SON: variants seen among roughly 807,000 people sequenced by gnomAD.
SON encodes protein SON.
A neutral mutation model predicts 173.3 loss-of-function variants in SON; 4 were observed. The ratio of observed to expected loss-of-function variants is 0.02; its 90% CI spans 0.01 to 0.05. SON has a LOEUF of 0.05. SON is among the 10% of genes least tolerant of loss of function. The pLI is 1.00. For synonymous variants in SON, 1,190 were observed against 1,105.9 expected (o/e 1.08, Z -1.51); for missense variants, 2,626 against 3,055.3 (o/e 0.86, Z 3.31).
intron 6 of SON, chr21:33,560,141 C>G (rs771249423): frequency 6.2e-7 from 1 of 1,608,230 alleles, no homozygotes; most frequent in Non-Finnish European, 8.5e-7. Context: ...GCAAATTTAT[C>G]GGGTGGAGGG....
At chr21:33,543,333 C>G (rs998433243) in intron 1 of SON, 164 bp downstream of exon 1, 4 of 642,440 alleles carry the variant, frequency 6.2e-6, no homozygotes, top group South Asian at 1.8e-5. Context: ...ACCGCCCCCC[C>G]AGCCGCTCCC....
intron 6 of SON, chr21:33,560,868 C>G (rs965373282): frequency 6.6e-6 from 1 of 152,326 alleles, no homozygotes; most frequent in African/African-American, 2.4e-5. Flanking sequence ...AGATCAGAGA[C>G]ACCTGTACTC....
intron 8 of SON, among the ~76,000 whole-genome samples, chr21:33,571,176 T>G (rs983042866): frequency 3.3e-5 from 5 of 152,154 alleles, no homozygotes; most frequent in African/African-American, 1.2e-4. Context: ...AGGAAAAGAT[T>G]CATTTGTATA....
intron 2 of SON, among the ~76,000 whole-genome samples, chr21:33,547,353 C>T (rs140515617): frequency 7.4e-4 from 113 of 152,302 alleles, no homozygotes; most frequent in African/African-American, 2.5e-3. Flanking sequence ...ATACCCATCC[C>T]ACTTAAACTG....
In SON at chr21:33,559,918, A is replaced by G; in HGVS notation, c.6657+143A>G. On this transcript the variant is annotated intron_variant, in intron 6 of 11. Coordinates refer to ENST00000356577, the MANE Select transcript of SON (RefSeq NM_138927.4). The surrounding 1 kb of genome is among the most constrained non-coding windows in gnomAD (Gnocchi z 4.1). ...AGGGCCGGGTTAGACGACAGATGAA[A>G]CAACCCGCAGCTTCTCATTTGACAG... 2 of 1,612,254 alleles carry G rather than the reference A, an allele frequency of 1.2e-6. No homozygotes were observed. Among genetic ancestry groups the G allele is most frequent in the Non-Finnish European group, 1.7e-6 (2 of 1,178,524 alleles).
intron 2 of SON, chr21:33,546,658 G>C: frequency 4.7e-6 from 1 of 210,898 alleles, no homozygotes. Flanking sequence ...GTGGGTGCCT[G>C]TAATCCCAGC....
intron 6 of SON, among the ~76,000 whole-genome samples, chr21:33,565,398 GT>G (rs1163187854): frequency 6.6e-6 from 1 of 152,122 alleles, no homozygotes; most frequent in African/African-American, 2.4e-5. Context: ...GAAAAGCAAA[GT>G]AAGTGTGAGA....
chr21:33,556,101 A>G (rs1296592014), intron 3 of SON, among the ~76,000 whole-genome samples: 1 of 152,222 alleles, frequency 6.6e-6, no homozygotes, highest in African/African-American at 2.4e-5. Context: ...TTATCCCAGT[A>G]TACTGGACAT....
At chr21:33,548,888 T>A (rs2085686509) in intron 2 of SON, among the ~76,000 whole-genome samples, 2 of 152,230 alleles carry the variant, frequency 1.3e-5, no homozygotes, top group African/African-American at 4.8e-5. Context: ...AGGGAATAAT[T>A]ATTTTAATAG....
rs192269145 is a variant in SON, at chr21:33,550,696, G to T, written c.1465G>T (p.Val489Leu). Residue 489 changes from valine (V) to leucine (L), a missense_variant, in exon 3 of 12, where the codon GTA (valine) becomes TTA (leucine). Around this residue, in one of 13 missense-constraint regions of SON, gnomAD observed 757 missense variants for 730.1 expected, o/e 1.04. Transcript: ENST00000356577. ...LPGLPLVTAA[V>L]ELPEQPAVTV... ...AGGGCTGCCTTTGGTGACAGCAGCA[G>T]TAGAGTTGCCAGAGCAGCCTGCGGT... The T allele has an allele frequency of 1.8e-5, 29 of 1,613,504 alleles. No individual in the cohort carries two copies. In the East Asian group the frequency reaches 5.6e-4, roughly 31 times the overall value.
rs1043795804 is a variant in SON at position 33,552,758 on chromosome 21, C to T, written c.3527C>T (p.Pro1176Leu). Residue 1176 changes from proline (P) to leucine (L), a missense_variant, in exon 3 of 12, where the codon CCA becomes CTA. By Grantham distance (98) the Pro-to-Leu change is moderately conservative (BLOSUM62 -3). Coordinates refer to ENST00000356577, the MANE Select transcript of SON (RefSeq NM_138927.4). This position sits in a 1 kb window ranked among gnomAD's most constrained non-coding sequence, Gnocchi z 5.6. ...PMTPPLPPEE[P>L]PEGPALPTEQ... ...ACACCACCATTGCCTCCTGAGGAAC[C>T]ACCAGAGGGTCCAGCATTGCCCACT... The T allele has an allele frequency of 6.2e-7, 1 of 1,613,922 alleles. No homozygotes were observed. Among genetic ancestry groups the T allele is most frequent in the African/African-American group, 1.3e-5 (1 of 75,040 alleles).
chr21:33,543,079 A>C lies in SON; in HGVS notation c.-14A>C. The C allele has an allele frequency of 6.2e-7, 1 of 1,613,804 alleles. No homozygotes were observed. Among genetic ancestry groups the C allele is most frequent in the Non-Finnish European group, 8.5e-7 (1 of 1,179,630 alleles). ...GGACTAGCGAGGAGGAGTTGAGAGA[A>C]CGGAGCGGACGCCATGGCGACCAAC... is the stretch of plus-strand genomic sequence containing the variant. On this transcript the variant is annotated 5_prime_UTR_variant, in exon 1 of 12. Transcript: ENST00000356577.
Position 33,550,680 on chromosome 21 carries a change from T to C in SON, c.1449T>C (p.Pro483=). ...TGGCACAGGAGTTGCCAGGGCTGCC[T>C]TTGGTGACAGCAGCAGTAGAGTTGC... ...PVMAQELPGL[P]LVTAAVELPE... Residue 483 remains proline, a synonymous_variant, in exon 3 of 12, where the codon CCT becomes CCC. Coordinates refer to ENST00000356577, the MANE Select transcript of SON (RefSeq NM_138927.4). 1 of 1,613,590 alleles carries C rather than the reference T, an allele frequency of 6.2e-7. No individual in the cohort carries two copies. Among genetic ancestry groups the C allele is most frequent in the African/African-American group, 1.3e-5 (1 of 74,866 alleles).
In SON at chr21:33,549,636, A is replaced by G. The variant is rs568339583; in HGVS notation, c.405A>G (p.Glu135=). 27 of 1,608,516 alleles carry G rather than the reference A, an allele frequency of 1.7e-5. No homozygotes were observed. The African/African-American group carries it at 3.3e-4, about 20-fold the overall frequency. ...AAAAATATAAAAGACAGCCAGAAGA[A>G]TCTGAGTCAAAGACGAAATCTCATG... The part of the protein sequence containing the change: ...KEKKYKRQPE[E]SESKTKSHDD... Residue 135 remains glutamate, a synonymous_variant, in exon 3 of 12, where the codon GAA becomes GAG. Coordinates refer to ENST00000356577, the MANE Select transcript of SON (RefSeq NM_138927.4).
chr21:33,569,160 G>T (rs893465886), intron 8 of SON, 73 bp downstream of exon 8: 11 of 855,546 alleles, frequency 1.3e-5, no homozygotes, highest in Non-Finnish European at 2.0e-5. Context: ...TATTAAAACT[G>T]CATGAAAAGA....
In SON at chr21:33,553,962, A is replaced by G. The variant is rs774995530; in HGVS notation, c.4731A>G (p.Val1577=). Reference sequence around the variant, plus strand: ...CCAGTGAGACTAAACAGCGCACAGTATTGGATACCTACCCTGGTGTTAGTG... The same window carrying G: ...CCAGTGAGACTAAACAGCGCACAGTGTTGGATACCTACCCTGGTGTTAGTG... ...LPTSETKQRT[V]LDTYPGVSEA... Residue 1577 remains valine, a synonymous_variant, in exon 3 of 12, where the codon GTA becomes GTG. Transcript: ENST00000356577. 1 of 1,614,156 alleles carries G rather than the reference A, an allele frequency of 6.2e-7. No homozygotes were observed. The highest frequency in any genetic ancestry group is 1.7e-5 in the Admixed American group (1 of 60,026).
intron 6 of SON, chr21:33,561,004 A>G (rs2086061126): frequency 6.6e-6 from 1 of 152,198 alleles, no homozygotes; most frequent in Non-Finnish European, 1.5e-5. Flanking sequence ...AAACTTTTTG[A>G]TAGCAGTACT....
rs746341884 is a variant in SON, at chr21:33,546,364, C to T, written c.229C>T (p.Leu77=). The T allele has an allele frequency of 1.9e-6, 3 of 1,607,602 alleles. No individual in the cohort carries two copies. In the South Asian group the frequency reaches 3.4e-5, roughly 18 times the overall value. Residue 77 remains leucine (L), a synonymous_variant, in exon 2 of 12, where the codon CTA becomes TTA. Coordinates refer to ENST00000356577, the MANE Select transcript of SON (RefSeq NM_138927.4). ...EVLSGVLDTE[L]RYKPDLKEGS... ...ACTTTCTGGGGTCTTAGATACAGAA[C>T]TACGATATAAGCCAGGTAAGTTGGA...
At position 33,554,900 on chromosome 21, in the gene SON, A is replaced by C; in HGVS notation, c.5669A>C (p.Lys1890Thr). 1.2e-6 allele frequency: 2 copies of C among 1,614,176 alleles called. No individual in the cohort carries two copies. The highest frequency in any genetic ancestry group is 1.7e-6 in the Non-Finnish European group (2 of 1,180,032). Residue 1890 changes from lysine (K) to threonine (T), a missense_variant, in exon 3 of 12, where the codon AAG becomes ACG. Coordinates refer to ENST00000356577, the MANE Select transcript of SON (RefSeq NM_138927.4). ...GGAAGAAGATCTGTATCAAAAGAGA[A>C]GCGCAAAAGATCTCCAAAGCACAGA... The part of the protein sequence containing the change: ...SRGRRSVSKE[K>T]RKRSPKHRSK...
Sources: allele counts gnomAD v4.1 joint callset (sites outside exome capture counted in the v4.1 genomes callset), GRCh38; gene constraint gnomAD v4.1.1; regional missense constraint gnomAD v4.1.1; non-coding constraint Gnocchi (gnomAD v3.1); transcripts MANE v1.5; gene names NCBI Gene and HGNC (gene_info 2026-07-23, HGNC 2026-07-21).